The following PRKG1 variants were observed in gnomAD, a reference collection of about 807,000 sequenced individuals.
PRKG1 encodes cGMP-dependent protein kinase 1.
In PRKG1, 35 loss-of-function variants were observed where a neutral mutation model predicts 88.1. The observed-to-expected ratio is 0.40, with a 90% CI of 0.30 to 0.53. PRKG1 has a LOEUF of 0.53. PRKG1 is among the 20% of genes least tolerant of loss of function. The pLI is 0.59. For synonymous variants in PRKG1, 303 were observed against 292.5 expected (o/e 1.04, Z -0.37); for missense variants, 540 against 839.8 (o/e 0.64, Z 4.41).
rs545163800 is a variant in PRKG1, at chr10:51,358,853, T to C, written c.479-108870T>C. Among the ~76,000 whole-genome samples, 6 of 151,288 alleles carry C rather than the reference T, an allele frequency of 4.0e-5. No individual in the cohort carries two copies. In the East Asian group the frequency reaches 1.2e-3, roughly 30 times the overall value. On this transcript the variant is annotated intron_variant, in intron 2 of 17. Coordinates refer to ENST00000373980, the MANE Select transcript of PRKG1 (RefSeq NM_006258.4). ...AAATATGCAATTTTTGCAAATATTA[T>C]TTAAAAGGACAGCTTTAAGAATCAA...
At chr10:51,215,804 A>G (rs1838357658) in intron 2 of PRKG1, among the ~76,000 whole-genome samples, 2 of 152,160 alleles carry the variant, frequency 1.3e-5, no homozygotes, top group Non-Finnish European at 2.9e-5. Flanking sequence ...AAATTCCTCT[A>G]TATACAGAAC....
intron 1 of PRKG1, among the ~76,000 whole-genome samples, chr10:51,135,086 G>A (rs1845656648): frequency 6.6e-6 from 1 of 152,160 alleles, no homozygotes; most frequent in South Asian, 2.1e-4. Flanking sequence ...ATAAGTTTAA[G>A]TATGATGACT....
At chr10:51,642,042 C>T (rs191887521) in intron 3 of PRKG1, among the ~76,000 whole-genome samples, 1 of 152,298 alleles carries the variant, frequency 6.6e-6, no homozygotes, top group Admixed American at 6.5e-5. Flanking sequence ...AGCAACTACT[C>T]TGTCAGTTAC....
rs540895662 is a variant in PRKG1, at chr10:51,406,309, G to T, written c.479-61414G>T. On this transcript the variant is annotated intron_variant, in intron 2 of 17. Transcript: ENST00000373980. Reference sequence around the variant, plus strand: ...AGTAAAGCCTGGCTCAGGTGCAGAGGAAATGAGTAGATCCGCTAAGATTTC... The same window carrying T: ...AGTAAAGCCTGGCTCAGGTGCAGAGTAAATGAGTAGATCCGCTAAGATTTC... 8.1e-4 allele frequency among the ~76,000 whole-genome samples: 124 copies of T among 152,268 alleles called. 1 individual carries two copies. The highest frequency in any genetic ancestry group is 2.8e-3 in the African/African-American group (118 of 41,558).
At chr10:52,056,232 A>G (rs559611493) in intron 6 of PRKG1, among the ~76,000 whole-genome samples, 77 of 152,144 alleles carry the variant, frequency 5.1e-4, no homozygotes, top group Non-Finnish European at 7.9e-4. Flanking sequence ...TTATTGTCTT[A>G]TTGTTTAGAT....
At chr10:51,048,117 G>A (rs900911842) in intron 1 of PRKG1, among the ~76,000 whole-genome samples, 4 of 152,098 alleles carry the variant, frequency 2.6e-5, no homozygotes, top group African/African-American at 9.7e-5. Context: ...GTCGATTCTT[G>A]CATATCACTT....
chr10:51,051,717 AG>A (rs1284297191), intron 1 of PRKG1, among the ~76,000 whole-genome samples: 1 of 152,164 alleles, frequency 6.6e-6, no homozygotes, highest in African/African-American at 2.4e-5. Context: ...AAATAAGCTA[AG>A]AATCTACTTC....
intron 2 of PRKG1, among the ~76,000 whole-genome samples, chr10:51,220,285 G>A (rs1220967411): frequency 6.6e-6 from 1 of 152,128 alleles, no homozygotes; most frequent in Non-Finnish European, 1.5e-5. Flanking sequence ...TCATCAGAGA[G>A]CCTTCAGATA....
At chr10:51,279,504 G>A (rs1026354693) in intron 2 of PRKG1, among the ~76,000 whole-genome samples, 1 of 152,266 alleles carries the variant, frequency 6.6e-6, no homozygotes, top group Non-Finnish European at 1.5e-5. Context: ...ATTATTGTGT[G>A]GGAGTCTAAG....
At chr10:51,624,738 A>G (rs1315582911) in intron 3 of PRKG1, among the ~76,000 whole-genome samples, 2 of 152,258 alleles carry the variant, frequency 1.3e-5, no homozygotes, top group Non-Finnish European at 2.9e-5. Flanking sequence ...AAATAATGAT[A>G]CATTCTCACA....
intron 1 of PRKG1, among the ~76,000 whole-genome samples, chr10:51,093,173 G>A (rs1844439439): frequency 6.6e-6 from 1 of 152,120 alleles, no homozygotes; most frequent in African/African-American, 2.4e-5. Flanking sequence ...AGCGTCACCT[G>A]GGAGCTTGTT....
At chr10:52,099,288 T>TA (rs927522432) in intron 7 of PRKG1, among the ~76,000 whole-genome samples, 43 of 152,230 alleles carry the variant, frequency 2.8e-4, no homozygotes, top group Middle Eastern at 3.4e-3. Flanking sequence ...GTAGAACATT[T>TA]AAAAAAACGC....
At chr10:52,158,918 G>A (rs1485546655) in intron 8 of PRKG1, among the ~76,000 whole-genome samples, 1 of 151,390 alleles carries the variant, frequency 6.6e-6, no homozygotes, top group Admixed American at 6.6e-5. Flanking sequence ...GTGTATTTGA[G>A]TATCTGTGAT....
At chr10:51,737,426 T>C (rs1814229391) in intron 3 of PRKG1, among the ~76,000 whole-genome samples, 1 of 152,212 alleles carries the variant, frequency 6.6e-6, no homozygotes, top group African/African-American at 2.4e-5. Flanking sequence ...AAAGCACTGA[T>C]TTTGTTGTTG....
At chr10:52,254,147 A>G (rs750848291) in intron 10 of PRKG1, among the ~76,000 whole-genome samples, 2 of 152,036 alleles carry the variant, frequency 1.3e-5, no homozygotes, top group African/African-American at 4.8e-5. Context: ...ATAATTGTAC[A>G]TAACATTGTC....
chr10:51,205,406 G>T (rs1439294778), intron 2 of PRKG1, among the ~76,000 whole-genome samples: 3 of 151,082 alleles, frequency 2.0e-5, no homozygotes, highest in Admixed American at 6.6e-5. Context: ...CACAGTGCTG[G>T]GATTACATGT....
chr10:51,052,418 T>G (rs1426689326), intron 1 of PRKG1, among the ~76,000 whole-genome samples: 1 of 152,224 alleles, frequency 6.6e-6, no homozygotes, highest in Non-Finnish European at 1.5e-5. Context: ...TATTCTTTTT[T>G]TGAATACATA....
chr10:51,628,122 C>CTCTT (rs11269617), intron 3 of PRKG1, among the ~76,000 whole-genome samples: 3,162 of 116,826 alleles, frequency 0.027, 51 homozygotes, highest in African/African-American at 0.045. Context: ...TTCTTTATTT[C>CTCTT]TCTTTCTTTC....
At position 51,003,101 on chromosome 10, in the gene PRKG1, G is replaced by GA. The variant is rs1842905546; in HGVS notation, c.266+11458dup. Among the ~76,000 whole-genome samples the GA allele has an allele frequency of 3.3e-5, 5 of 152,242 alleles. No homozygotes were observed. The South Asian group carries it at 1.0e-3, about 32-fold the overall frequency. ...AAAAAAACAATGTTACACTGTCTAT[G>GA]ACTGCCAGAGAGAACCAAGGGTAGA... On this transcript the variant is annotated intron_variant, in intron 1 of 17. Transcript: ENST00000401604.
Sources: allele counts gnomAD v4.1 joint callset (sites outside exome capture counted in the v4.1 genomes callset), GRCh38; gene constraint gnomAD v4.1.1; transcripts MANE v1.5; gene names NCBI Gene and HGNC (gene_info 2026-07-23, HGNC 2026-07-21).